SCLT1: variants seen among roughly 807,000 people sequenced by gnomAD.
The protein encoded by SCLT1 is sodium channel and clathrin linker 1, also known as sodium channel-associated protein 1.
Under a neutral mutation model 112.8 loss-of-function variants are expected in SCLT1, and 78 were observed. The observed-to-expected ratio is 0.69, with a 90% CI of 0.58 to 0.83. SCLT1 has a LOEUF of 0.83. Among genes scored for constraint, SCLT1 ranks in the 40% least tolerant of loss-of-function variants. The pLI, the probability that SCLT1 is intolerant of heterozygous loss-of-function variation, is 0.00. For synonymous variants in SCLT1, 257 were observed against 254.7 expected, an observed-to-expected ratio of 1.01 and a Z score of -0.09; for missense variants, 747 against 770.4, an observed-to-expected ratio of 0.97 and a Z score of 0.36.
intron 5 of SCLT1, among the ~76,000 whole-genome samples, chr4:129,019,903 G>A (rs1294703261): frequency 2.0e-5 from 3 of 151,402 alleles, no homozygotes; most frequent in Non-Finnish European, 4.4e-5. Context: ...GTATTCTCCA[G>A]TTCTAAAGTG....
At chr4:128,934,958 T>C (rs909139367) in intron 18 of SCLT1, among the ~76,000 whole-genome samples, 3 of 152,004 alleles carry the variant, frequency 2.0e-5, no homozygotes, top group African/African-American at 7.2e-5. Flanking sequence ...TAGATGCCTT[T>C]AGAAAATTAA....
chr4:128,888,578 T>C (rs1427257103), intron 20 of SCLT1, 101 bp downstream of exon 20: 5 of 608,124 alleles, frequency 8.2e-6, no homozygotes, highest in Non-Finnish European at 1.1e-5. Flanking sequence ...AATTTTAAAA[T>C]ATGTTAATCT....
intron 18 of SCLT1, among the ~76,000 whole-genome samples, chr4:128,900,251 GCAT>G (rs1734158661): frequency 6.6e-6 from 1 of 152,184 alleles, no homozygotes; most frequent in African/African-American, 2.4e-5. Context: ...AAAGCTGGAG[GCAT>G]CATGCTACTT....
At chr4:129,010,390 C>T (rs1744411467) in intron 5 of SCLT1, among the ~76,000 whole-genome samples, 1 of 152,164 alleles carries the variant, frequency 6.6e-6, no homozygotes, top group Non-Finnish European at 1.5e-5. Context: ...ATTACCTTGG[C>T]TATCTGGACT....
intron 20 of SCLT1, among the ~76,000 whole-genome samples, chr4:128,886,380 TTTC>T (rs1238684683): frequency 6.6e-6 from 1 of 152,220 alleles, no homozygotes; most frequent in Admixed American, 6.5e-5. Flanking sequence ...ATTTTTAAAT[TTTC>T]TTCATTTTGT....
rs547137557 is a variant in SCLT1, at chr4:129,004,287, T to A, written c.291-411A>T. ...TTAAATCCTGTAGAATTATTTGCTA[T>A]TTTCTTCAGCGTGTTTCACCAAACT... On this transcript the variant is annotated intron_variant, in intron 5 of 20. Transcript: ENST00000281142. 2.6e-5 allele frequency among the ~76,000 whole-genome samples: 4 copies of A among 152,290 alleles called. No individual in the cohort carries two copies. The South Asian group carries it at 6.2e-4, about 24-fold the overall frequency.
At chr4:129,090,431 C>T (rs1440601050) in intron 1 of SCLT1, among the ~76,000 whole-genome samples, 1 of 152,174 alleles carries the variant, frequency 6.6e-6, no homozygotes, top group Non-Finnish European at 1.5e-5. Flanking sequence ...ATCCTTACCT[C>T]ATCCCTTGTA....
intron 18 of SCLT1, among the ~76,000 whole-genome samples, chr4:128,919,266 A>T (rs1735700402): frequency 6.6e-6 from 1 of 152,186 alleles, no homozygotes; most frequent in African/African-American, 2.4e-5. Context: ...AATACTAAGG[A>T]AATTGCTCAT....
chr4:128,973,383 G>A (rs1051591332), intron 9 of SCLT1, among the ~76,000 whole-genome samples: 13 of 141,412 alleles, frequency 9.2e-5, no homozygotes, highest in Non-Finnish European at 1.5e-4. Context: ...TAGGAGACAA[G>A]TAAATCAATC....
At chr4:129,061,623 G>C (rs1749985507) in intron 2 of SCLT1, among the ~76,000 whole-genome samples, 1 of 152,110 alleles carries the variant, frequency 6.6e-6, no homozygotes, top group Non-Finnish European at 1.5e-5. Flanking sequence ...GTTCTCATAG[G>C]AGACAGGGTA....
At chr4:128,932,151 A>T (rs1188110272) in intron 18 of SCLT1, among the ~76,000 whole-genome samples, 1 of 152,190 alleles carries the variant, frequency 6.6e-6, no homozygotes, top group East Asian at 1.9e-4. Flanking sequence ...GGAATAATTC[A>T]TGACAATAAT....
chr4:128,969,529 G>A (rs941779057), intron 10 of SCLT1, among the ~76,000 whole-genome samples: 4 of 152,150 alleles, frequency 2.6e-5, no homozygotes, highest in African/African-American at 9.6e-5. Context: ...CCGAGATCAA[G>A]CCACTGCACT....
chr4:129,040,048 G>A (rs1747563774), intron 4 of SCLT1: 1 of 628,420 alleles, frequency 1.6e-6, no homozygotes, highest in Admixed American at 2.4e-5. Flanking sequence ...AGCTTATCCT[G>A]GAGTACACTT....
At chr4:129,008,600 A>G (rs1004025279) in intron 5 of SCLT1, among the ~76,000 whole-genome samples, 3 of 152,168 alleles carry the variant, frequency 2.0e-5, no homozygotes, top group African/African-American at 7.2e-5. Flanking sequence ...AAATTACACG[A>G]ATTTTAGTTC....
chr4:128,896,861 G>A, intron 18 of SCLT1, among the ~76,000 whole-genome samples: 1 of 152,030 alleles, frequency 6.6e-6, no homozygotes, highest in Non-Finnish European at 1.5e-5. Context: ...CAAGGCTCGA[G>A]AACTACCTGA....
At chr4:129,011,468 G>A (rs958118929) in intron 5 of SCLT1, among the ~76,000 whole-genome samples, 3 of 151,934 alleles carry the variant, frequency 2.0e-5, no homozygotes, top group Non-Finnish European at 2.9e-5. Context: ...TGGTCTATGT[G>A]CCTGTTTTTG....
chr4:128,982,363 A>G (rs62318662), intron 9 of SCLT1, among the ~76,000 whole-genome samples: 13,389 of 152,276 alleles, frequency 0.088, 751 homozygotes, highest in South Asian at 0.15. Flanking sequence ...CTTATTATAA[A>G]GACTGTTTCT....
intron 15 of SCLT1, 141 bp downstream of exon 15, chr4:128,948,355 A>AAAAAAT: frequency 2.0e-6 from 2 of 1,018,286 alleles, no homozygotes; most frequent in Non-Finnish European, 2.6e-6. Flanking sequence ...AAAAAAAAAA[A>AAAAAAT]AAAAGAAAAG....
At chr4:129,034,738 T>C (rs1349879258) in intron 5 of SCLT1, among the ~76,000 whole-genome samples, 2 of 152,066 alleles carry the variant, frequency 1.3e-5, no homozygotes, top group African/African-American at 4.8e-5. Flanking sequence ...AGAGAGTACA[T>C]AAATATTTTA....
Sources: allele counts gnomAD v4.1 joint callset (sites outside exome capture counted in the v4.1 genomes callset), GRCh38; gene constraint gnomAD v4.1.1; transcripts MANE v1.5; gene names NCBI Gene and HGNC (gene_info 2026-07-23, HGNC 2026-07-21).